RABGEF1: variants seen among roughly 807,000 people sequenced by gnomAD.
The protein encoded by RABGEF1 is RAB guanine nucleotide exchange factor 1.
RABGEF1 carries 26 observed loss-of-function variants against 57.3 expected under a neutral mutation model. The ratio of observed to expected loss-of-function variants is 0.45; its 90% CI spans 0.33 to 0.63. RABGEF1 has a LOEUF of 0.63. Among genes scored for constraint, RABGEF1 ranks in the 20% least tolerant of loss-of-function variants. The pLI is 0.02. For missense variants in RABGEF1, 464 were observed against 607.6 expected (o/e 0.76, Z 2.48); for synonymous variants, 185 against 210.7 (o/e 0.88, Z 1.06).
chr7:66,682,085 C>T (rs1789806990), upstream of RABGEF1: 1 of 167,728 alleles, frequency 6.0e-6, no homozygotes. Flanking sequence ...GCGCGCCGTG[C>T]GTTACGGGCG....
intron 4 of RABGEF1, among the ~76,000 whole-genome samples, chr7:66,794,337 C>T (rs1304951987): frequency 7.4e-6 from 1 of 135,974 alleles, no homozygotes; most frequent in Non-Finnish European, 1.6e-5. Context: ...TCTTTTCTTT[C>T]TTGAGATGGG....
At chr7:66,772,450 C>T (rs564014346) in intron 2 of RABGEF1, among the ~76,000 whole-genome samples, 2 of 151,016 alleles carry the variant, frequency 1.3e-5, no homozygotes, top group African/African-American at 2.5e-5. Context: ...GCATTATTTC[C>T]CTCATTCTTT....
At chr7:66,718,757 C>T (rs1325011466) in intron 2 of RABGEF1, among the ~76,000 whole-genome samples, 3 of 152,180 alleles carry the variant, frequency 2.0e-5, no homozygotes, top group Non-Finnish European at 2.9e-5. Flanking sequence ...TTTCTCAAAG[C>T]CTGTGCTGTT....
chr7:66,680,969 G>A (rs1584566927), upstream of RABGEF1, among the ~76,000 whole-genome samples: 1 of 152,082 alleles, frequency 6.6e-6, no homozygotes, highest in Non-Finnish European at 1.5e-5. Context: ...TATAATTCCG[G>A]CTACTCGAGA....
rs185071941 is a variant in RABGEF1 at position 66,690,066 on chromosome 7, G to C, written c.-873+7808G>C. ...ACAAAGGCACTACAAGAAAACAACT[G>C]ATCAATATTGTTTATAAACATTGAT... On this transcript the variant is annotated intron_variant and NMD_transcript_variant, in intron 1 of 9. Coordinates refer to the RABGEF1 transcript ENST00000607882. Among the ~76,000 whole-genome samples, 241 of 149,602 alleles carry C rather than the reference G, an allele frequency of 1.6e-3. 1 individual carries two copies. Among genetic ancestry groups the C allele is most frequent in the Middle Eastern group, 7.0e-3 (2 of 284 alleles).
chr7:66,656,668 A>T, the RABGEF1 span, among the ~76,000 whole-genome samples: 1 of 151,974 alleles, frequency 6.6e-6, no homozygotes, highest in Admixed American at 6.6e-5. Flanking sequence ...AAAAACAGAA[A>T]AATTAGCCGG....
intron 5 of RABGEF1, 64 bp from the exon 6 acceptor site, chr7:66,797,306 CAAAA>C: frequency 4.1e-5 from 40 of 971,874 alleles, no homozygotes; most frequent in Admixed American, 1.9e-4. Context: ...TCTTTGTTTG[CAAAA>C]AAAAAAAAAA....
At chr7:66,751,786 G>C (rs2129062472) in intron 1 of RABGEF1, among the ~76,000 whole-genome samples, 1 of 152,310 alleles carries the variant, frequency 6.6e-6, no homozygotes, top group South Asian at 2.1e-4. Flanking sequence ...GAGGCTTTTA[G>C]TTTTGTTTTG....
intron 2 of RABGEF1, among the ~76,000 whole-genome samples, chr7:66,732,799 C>T (rs769521395): frequency 2.8e-4 from 43 of 152,234 alleles, no homozygotes; most frequent in Non-Finnish European, 3.8e-4. Context: ...CTGTCTCTCT[C>T]GCTTTTGCTC....
At chr7:66,756,215 G>C (rs1352444366) in intron 1 of RABGEF1, 2 of 551,356 alleles carry the variant, frequency 3.6e-6, no homozygotes, top group Admixed American at 3.7e-5. Context: ...GCTAACCTTA[G>C]GGAAATGCAC....
chr7:66,749,094 G>A (rs1256737901), intron 1 of RABGEF1: 1 of 153,782 alleles, frequency 6.5e-6, no homozygotes, highest in Non-Finnish European at 1.5e-5. Flanking sequence ...ATATTTGAAT[G>A]AAAGCCACCT....
the RABGEF1 span, among the ~76,000 whole-genome samples, chr7:66,659,717 T>G: frequency 6.8e-6 from 1 of 147,392 alleles, no homozygotes; most frequent in South Asian, 2.1e-4. Context: ...AAGTTGAGGC[T>G]GCAGTGAGCC....
chr7:66,792,368 A>C (rs2129164954), intron 4 of RABGEF1, among the ~76,000 whole-genome samples: 1 of 152,302 alleles, frequency 6.6e-6, no homozygotes, highest in South Asian at 2.1e-4. Context: ...TTTCACAGAT[A>C]CTGGCCAAAG....
intron 1 of RABGEF1, among the ~76,000 whole-genome samples, chr7:66,751,580 G>A (rs1179542754): frequency 6.6e-6 from 1 of 152,164 alleles, no homozygotes; most frequent in African/African-American, 2.4e-5. Flanking sequence ...ACTGAGCTGA[G>A]GGTTGAGGTT....
chr7:66,685,556 G>A (rs558444132), intron 1 of RABGEF1, among the ~76,000 whole-genome samples: 1 of 152,172 alleles, frequency 6.6e-6, no homozygotes, highest in Non-Finnish European at 1.5e-5. Flanking sequence ...TTTCTGTAAG[G>A]ATGTCTGACC....
Position 66,809,178 on chromosome 7 carries a change from C to T in RABGEF1, c.1370C>T (p.Pro457Leu). The T allele has an allele frequency of 6.2e-7, 1 of 1,614,208 alleles. No individual in the cohort carries two copies. Among genetic ancestry groups the T allele is most frequent in the Non-Finnish European group, 8.5e-7 (1 of 1,180,042 alleles). The change falls in exon 9 of 9, where the codon CCA becomes CTA. Residue 457 changes from proline to leucine, a missense_variant. This residue lies in a region of RABGEF1 where 151 missense variants were observed against 152.2 expected (regional missense o/e 0.99). Coordinates refer to ENST00000284957, the MANE Select transcript of RABGEF1 (RefSeq NM_014504.3). ...REVQDIVEKY[P>L]LEIKPPNQPL... Reference sequence around the variant, plus strand: ...GTTCAAGACATCGTTGAGAAATACCCACTGGAAATTAAGCCTCCGAATCAA... The same window carrying T: ...GTTCAAGACATCGTTGAGAAATACCTACTGGAAATTAAGCCTCCGAATCAA...
intron 2 of RABGEF1, among the ~76,000 whole-genome samples, chr7:66,773,430 A>C (rs553405943): frequency 6.6e-6 from 1 of 152,050 alleles, no homozygotes; most frequent in Admixed American, 6.5e-5. Flanking sequence ...TAGCACCTCC[A>C]CCTGTGATTT....
chr7:66,804,405 T>G (rs1787970389), intron 7 of RABGEF1, among the ~76,000 whole-genome samples: 1 of 152,142 alleles, frequency 6.6e-6, no homozygotes, highest in Admixed American at 6.5e-5. Context: ...TTCTTCCTTC[T>G]CCATGGAGCT....
rs149404034 is a variant in RABGEF1 at position 66,701,147 on chromosome 7, C to T, written c.-872-11020C>T. ...TAGGAAGAAGGACTGGAGGGGTAGA[C>T]AGGCACTGCCATCCATAGCCTGGAA... On this transcript the variant is annotated intron_variant and NMD_transcript_variant, in intron 1 of 9. Transcript: ENST00000607882. 2.3e-3 allele frequency among the ~76,000 whole-genome samples: 344 copies of T among 152,266 alleles called. 2 individuals carry two copies. The highest frequency in any genetic ancestry group is 8.1e-3 in the African/African-American group (336 of 41,546).
Sources: allele counts gnomAD v4.1 joint callset (sites outside exome capture counted in the v4.1 genomes callset), GRCh38; gene constraint gnomAD v4.1.1; regional missense constraint gnomAD v4.1.1; transcripts MANE v1.5; gene names NCBI Gene and HGNC (gene_info 2026-07-23, HGNC 2026-07-21).